MCPH1: variants seen among roughly 807,000 people sequenced by gnomAD.
The protein encoded by MCPH1 is microcephalin.
MCPH1 carries 104 observed loss-of-function variants against 84.5 expected under a neutral mutation model. The ratio of observed to expected loss-of-function variants is 1.23; its 90% confidence interval spans 1.05 to 1.45. The LOEUF is 1.45. Ranked by LOEUF, MCPH1 falls within the 40% of genes most tolerant of loss-of-function variation. The probability of loss-of-function intolerance (pLI) is 0.00; values close to 1 mark genes in which losing one functional copy is unlikely to be tolerated. For missense variants in MCPH1, 1,498 were observed against 1,005.7 expected (o/e 1.49, Z -6.62); for synonymous variants, 514 against 366.8 (o/e 1.40, Z -4.58).
At chr8:6,436,183 C>T (rs772360331) in intron 5 of MCPH1, 21 bp downstream of exon 5, 2 of 1,609,004 alleles carry the variant, frequency 1.2e-6, no homozygotes, top group Non-Finnish European at 1.7e-6. Context: ...AAATATAATA[C>T]AGTTCTTTGC....
intron 12 of MCPH1, among the ~76,000 whole-genome samples, chr8:6,513,999 G>T (rs1815722051): frequency 6.6e-6 from 1 of 152,138 alleles, no homozygotes; most frequent in African/African-American, 2.4e-5. Flanking sequence ...AAGGAAAATG[G>T]ATTTTAAATA....
intron 12 of MCPH1, chr8:6,562,552 C>CTTCTTTTTTTTTTTTTTTTT (rs1825700604): frequency 2.8e-5 from 2 of 71,754 alleles, no homozygotes; most frequent in African/African-American, 1.3e-4. Flanking sequence ...CATCCTCCTT[C>CTTCTTTTTTTTTTTTTTTTT]TTTTTTTTTT....
Position 6,648,055 on chromosome 8 carries a change from A to G in MCPH1, c.*5006A>G, listed in dbSNP as rs1334806757. 6.6e-6 allele frequency: 1 copy of G among 152,224 alleles called. No homozygotes were observed. The highest frequency in any genetic ancestry group is 1.5e-5 in the Non-Finnish European group (1 of 68,058). 9.4% of individuals were successfully genotyped at this position (152,224 alleles called of 1,614,324 possible). On this transcript the variant is annotated 3_prime_UTR_variant, in exon 14 of 14. Transcript: ENST00000344683. ...AGGTAGCTAACACTGACCAACCTGC[A>G]TCTGGTAGTTCATTTAAGGTCGGCC...
At chr8:6,564,892 G>A (rs1333928897) in intron 12 of MCPH1, among the ~76,000 whole-genome samples, 1 of 152,148 alleles carries the variant, frequency 6.6e-6, no homozygotes, top group Non-Finnish European at 1.5e-5. Flanking sequence ...TTTTGAGAAG[G>A]TGTTTATAGG....
intron 12 of MCPH1, chr8:6,532,494 A>G (rs990166458): frequency 2.9e-5 from 46 of 1,610,628 alleles, no homozygotes; most frequent in Non-Finnish European, 3.6e-5. Flanking sequence ...CAAGCTAGAA[A>G]AGAACAGTGT....
chr8:6,540,438 C>G (rs1198492221), intron 12 of MCPH1, among the ~76,000 whole-genome samples: 1 of 152,144 alleles, frequency 6.6e-6, no homozygotes, highest in Non-Finnish European at 1.5e-5. Flanking sequence ...CAAAAGGTGT[C>G]ACATTTTACA....
chr8:6,417,319 C>G (rs536794162), intron 3 of MCPH1, among the ~76,000 whole-genome samples: 2 of 152,200 alleles, frequency 1.3e-5, no homozygotes, highest in East Asian at 3.8e-4. Flanking sequence ...CATATGGTCT[C>G]TGCTCAACAG....
At chr8:6,473,393 C>T (rs1046309148) in intron 9 of MCPH1, among the ~76,000 whole-genome samples, 4 of 122,226 alleles carry the variant, frequency 3.3e-5, no homozygotes, top group Non-Finnish European at 6.3e-5. Flanking sequence ...TGCAGTGGCA[C>T]GATCTTGGCT....
Position 6,567,276 on chromosome 8 carries a change from G to A in MCPH1, c.2215-54178G>A, listed in dbSNP as rs560796698. Among the ~76,000 whole-genome samples the A allele has an allele frequency of 2.6e-3, 391 of 152,116 alleles. 1 individual carries two copies. Among genetic ancestry groups the A allele is most frequent in the African/African-American group, 8.9e-3 (367 of 41,410 alleles). ...GCAGTGCGGTGACCGTGTGTGATCC[G>A]CAAGGTCATGGATAGTGTACACGGT... On this transcript the variant is annotated intron_variant, in intron 12 of 13. Coordinates refer to ENST00000344683, the MANE Select transcript of MCPH1 (RefSeq NM_024596.5).
chr8:6,635,330 C>T (rs1563222065), intron 13 of MCPH1: 1 of 152,230 alleles, frequency 6.6e-6, no homozygotes, highest in Non-Finnish European at 1.5e-5. Flanking sequence ...GCGTGGAGCT[C>T]AGGTGTGATG....
intron 12 of MCPH1, among the ~76,000 whole-genome samples, chr8:6,527,971 C>A (rs1461077292): frequency 4.7e-5 from 7 of 148,804 alleles, no homozygotes; most frequent in African/African-American, 1.7e-4. Flanking sequence ...TCTCGGCTCA[C>A]TGCAACCTCC....
chr8:6,499,247 T>A (rs1021546758), intron 11 of MCPH1, among the ~76,000 whole-genome samples: 1 of 152,038 alleles, frequency 6.6e-6, no homozygotes, highest in Non-Finnish European at 1.5e-5. Flanking sequence ...AAAGATTGTA[T>A]TGATCATTTT....
chr8:6,517,668 C>T (rs79799803), intron 12 of MCPH1, among the ~76,000 whole-genome samples: 13,402 of 152,114 alleles, frequency 0.088, 1,043 homozygotes, highest in African/African-American at 0.2. Context: ...CAAGTTCTAC[C>T]CCAGGGGCTG....
chr8:6,410,012 T>C (rs1798315933), intron 2 of MCPH1, among the ~76,000 whole-genome samples: 1 of 152,014 alleles, frequency 6.6e-6, no homozygotes, highest in Non-Finnish European at 1.5e-5. Context: ...GCTCTGTCGC[T>C]AGGCTGGAGT....
intron 6 of MCPH1, among the ~76,000 whole-genome samples, chr8:6,441,691 C>G (rs978154304): frequency 2.0e-5 from 3 of 152,212 alleles, no homozygotes; most frequent in African/African-American, 7.2e-5. Context: ...CCCACTAACA[C>G]TAGCAGTGTA....
Position 6,436,045 on chromosome 8 carries a change from C to G in MCPH1, c.322-3C>G. On this transcript the variant is annotated splice_polypyrimidine_tract_variant and splice_region_variant and intron_variant, in intron 4 of 13. Coordinates refer to ENST00000344683, the MANE Select transcript of MCPH1 (RefSeq NM_024596.5). ...CATTAATTTTTGTGTTCTTTTTGCACAGCGTAAATGTATGCAGCCCAAAGA... is the reference window on the plus strand; with the variant it reads ...CATTAATTTTTGTGTTCTTTTTGCAGAGCGTAAATGTATGCAGCCCAAAGA... 1.2e-6 allele frequency: 2 copies of G among 1,613,200 alleles called. No homozygotes were observed. The highest frequency in any genetic ancestry group is 1.7e-6 in the Non-Finnish European group (2 of 1,179,598).
chr8:6,563,021 G>A, intron 12 of MCPH1: 1 of 1,407,708 alleles, frequency 7.1e-7, no homozygotes, highest in Non-Finnish European at 9.6e-7. Context: ...CTAAAACGCA[G>A]GGCTGCTACG....
chr8:6,545,823 C>T (rs1822480610), intron 12 of MCPH1, among the ~76,000 whole-genome samples: 1 of 152,202 alleles, frequency 6.6e-6, no homozygotes, highest in Non-Finnish European at 1.5e-5. Context: ...GGAATAAATA[C>T]AAGATTACTC....
intron 12 of MCPH1, among the ~76,000 whole-genome samples, chr8:6,607,619 G>A (rs1007346564): frequency 3.3e-5 from 5 of 152,012 alleles, no homozygotes; most frequent in African/African-American, 1.2e-4. Flanking sequence ...GTTATGGGAG[G>A]GAACCAGTGG....
Sources: gnomAD v4.1 joint callset for allele counts (sites outside exome capture counted in the v4.1 genomes callset) on GRCh38, gnomAD v4.1.1 for gene constraint, MANE v1.5 for transcripts, NCBI Gene and HGNC (gene_info 2026-07-23, HGNC 2026-07-21) for gene names.